PTBP3: variants seen among roughly 807,000 people sequenced by gnomAD.
PTBP3 encodes the protein polypyrimidine tract binding protein 3.
A neutral mutation model predicts 58.7 loss-of-function variants in PTBP3; 20 were observed. The ratio of observed to expected loss-of-function variants is 0.34; its 90% CI spans 0.24 to 0.50. PTBP3 has a LOEUF of 0.50. PTBP3 is among the 20% of genes least tolerant of loss of function. PTBP3 has a pLI of 0.98. For missense variants in PTBP3, 509 were observed against 637.2 expected, an observed-to-expected ratio of 0.80 and a Z score of 2.17; for synonymous variants, 185 against 219.8, an observed-to-expected ratio of 0.84 and a Z score of 1.40.
At chr9:112,346,718 A>G in the PTBP3 span, among the ~76,000 whole-genome samples, 1 of 152,140 alleles carries the variant, frequency 6.6e-6, no homozygotes, top group East Asian at 1.9e-4. Flanking sequence ...CACTTTAGCA[A>G]TTCTTTGCTT....
At chr9:112,320,314 A>ATATTTTTTTT in intron 1 of PTBP3, among the ~76,000 whole-genome samples, 1 of 75,730 alleles carries the variant, frequency 1.3e-5, no homozygotes, top group Non-Finnish European at 2.3e-5. Context: ...ATATATATAT[A>ATATTTTTTTT]TTTTTTTTTA....
At chr9:112,277,876 AATAACGTAACATAAC>A (rs747485143) in intron 2 of PTBP3, among the ~76,000 whole-genome samples, 4 of 148,616 alleles carry the variant, frequency 2.7e-5, no homozygotes, top group African/African-American at 5.0e-5. Context: ...TCTGTCTCAA[AATAACGTAACATAAC>A]ATAACATAAC....
At chr9:112,292,553 T>C (rs1245870177) in intron 2 of PTBP3, among the ~76,000 whole-genome samples, 6 of 152,172 alleles carry the variant, frequency 3.9e-5, no homozygotes, top group Non-Finnish European at 4.4e-5. Context: ...GACAGATGAA[T>C]GGATAAATAA....
At chr9:112,257,007 T>C (rs1015144465) in intron 5 of PTBP3, among the ~76,000 whole-genome samples, 3 of 152,234 alleles carry the variant, frequency 2.0e-5, no homozygotes, top group African/African-American at 7.2e-5. Context: ...AAAATTTTTA[T>C]ACTAAATTAT....
chr9:112,362,299 G>A, the PTBP3 span, among the ~76,000 whole-genome samples: 1 of 152,174 alleles, frequency 6.6e-6, no homozygotes, highest in Non-Finnish European at 1.5e-5. Context: ...ACCCTGTCTA[G>A]CAAAAGGAAA....
intron 1 of PTBP3, among the ~76,000 whole-genome samples, chr9:112,311,197 T>G (rs1391772937): frequency 2.2e-5 from 3 of 134,878 alleles, no homozygotes; most frequent in Non-Finnish European, 3.1e-5. Flanking sequence ...GGAAAATGTG[T>G]TTTTTTTTTT....
intron 3 of PTBP3, among the ~76,000 whole-genome samples, chr9:112,272,420 TC>T (rs983875424): frequency 1.3e-5 from 2 of 152,084 alleles, no homozygotes; most frequent in African/African-American, 4.8e-5. Flanking sequence ...CCGTTCTGAG[TC>T]CTCAAAATAC....
At chr9:112,333,632 G>C (rs1447150247), upstream of PTBP3, 8 of 796,328 alleles carry the variant, frequency 1.0e-5, no homozygotes, top group Middle Eastern at 3.8e-4. Context: ...GAACAGGGGC[G>C]GGGACCGGGC....
chr9:112,346,364 T>A, the PTBP3 span, among the ~76,000 whole-genome samples: 26 of 151,156 alleles, frequency 1.7e-4, no homozygotes, highest in East Asian at 3.2e-3. Flanking sequence ...GTGGCATTTC[T>A]CCATGTTGGC....
intron 2 of PTBP3, among the ~76,000 whole-genome samples, chr9:112,291,136 C>T (rs1432494485): frequency 6.6e-6 from 1 of 152,002 alleles, no homozygotes; most frequent in African/African-American, 2.4e-5. Context: ...GCAGGATAAT[C>T]ACTTCAACCT....
the PTBP3 span, among the ~76,000 whole-genome samples, chr9:112,372,301 A>G: frequency 6.6e-6 from 1 of 151,574 alleles, no homozygotes; most frequent in East Asian, 1.9e-4. Context: ...CTGGTCTTGA[A>G]CTCCTGGCTT....
Position 112,232,139 on chromosome 9 carries a change from G to A in PTBP3, c.980C>T (p.Pro327Leu), listed in dbSNP as rs1169294037. 6.2e-7 allele frequency: 1 copy of A among 1,613,236 alleles called. No individual in the cohort carries two copies. The highest frequency in any genetic ancestry group is 1.1e-5 in the South Asian group (1 of 90,916). The change falls in exon 9 of 14, where the codon CCA becomes CTA. Residue 327 changes from proline to leucine, a missense_variant. Transcript: ENST00000374257. ...RMAIPGASGI[P>L]GNSVLLVTNL... ...TGTGACGAGTAGAACAGAATTTCCT[G>A]GTATACCACTAGCCCCAGGAATGGC... is the stretch of plus-strand genomic sequence containing the variant.
At chr9:112,290,693 T>C (rs1245793721) in intron 2 of PTBP3, among the ~76,000 whole-genome samples, 1 of 79,248 alleles carries the variant, frequency 1.3e-5, no homozygotes, top group African/African-American at 6.4e-5. Context: ...AAAAAATATA[T>C]ATATATATAT....
At chr9:112,278,418 C>CAGGACTGGAGAAA (rs948194850) in intron 2 of PTBP3, among the ~76,000 whole-genome samples, 6 of 152,128 alleles carry the variant, frequency 3.9e-5, no homozygotes, top group African/African-American at 1.4e-4. Flanking sequence ...TAAGGAGTTA[C>CAGGACTGGAGAAA]AGGACTGGAG....
At chr9:112,269,445 G>A (rs949513929) in intron 3 of PTBP3, among the ~76,000 whole-genome samples, 2 of 152,034 alleles carry the variant, frequency 1.3e-5, no homozygotes, top group African/African-American at 4.8e-5. Context: ...AATTAATAGA[G>A]CATTCACTTT....
chr9:112,364,925 T>C, the PTBP3 span, among the ~76,000 whole-genome samples: 3 of 152,154 alleles, frequency 2.0e-5, no homozygotes, highest in Non-Finnish European at 4.4e-5. Context: ...TACCGTGTAA[T>C]CTACATATCT....
At chr9:112,256,982 T>A (rs1836395354) in intron 5 of PTBP3, among the ~76,000 whole-genome samples, 1 of 152,224 alleles carries the variant, frequency 6.6e-6, no homozygotes, top group Non-Finnish European at 1.5e-5. Flanking sequence ...ACACATAATT[T>A]GCTCTAACAT....
rs777082684 is a variant in PTBP3 at position 112,223,606 on chromosome 9, G to T, written c.*245C>A. 8.4e-7 allele frequency: 1 copy of T among 1,192,396 alleles called. No individual in the cohort carries two copies. Among genetic ancestry groups the T allele is most frequent in the Middle Eastern group, 3.4e-4 (1 of 2,946 alleles). The allele number at this position is 1,192,396 out of a possible 1,614,324, so 73.9% of individuals were successfully genotyped here. A position where few individuals can be genotyped will look rare whatever the true frequency, so the allele number is the denominator to read the frequency against. On this transcript the variant is annotated 3_prime_UTR_variant, in exon 14 of 14. Transcript: ENST00000374257. ...ATTATTGAAAAAAAATTTTTTTCCT[G>T]ATTTTCTTTTTCCTGAAGGTTATTT...
intron 2 of PTBP3, among the ~76,000 whole-genome samples, chr9:112,285,796 G>C (rs1208046856): frequency 6.6e-6 from 1 of 152,178 alleles, no homozygotes; most frequent in Non-Finnish European, 1.5e-5. Context: ...TGGGAAATTT[G>C]AAAGTGGGCA....
Sources: allele counts gnomAD v4.1 joint callset (sites outside exome capture counted in the v4.1 genomes callset), GRCh38; gene constraint gnomAD v4.1.1; transcripts MANE v1.5; gene names NCBI Gene and HGNC (gene_info 2026-07-23, HGNC 2026-07-21).